Variants in TTC7A observed in about 807,000 individuals in gnomAD.
The protein encoded by TTC7A is tetratricopeptide repeat domain 7A, also known as tetratricopeptide repeat protein 7A.
A neutral mutation model predicts 103.7 loss-of-function variants in TTC7A; 110 were observed. The observed-to-expected ratio is 1.06, with a 90% CI of 0.91 to 1.24. The LOEUF (loss-of-function observed/expected upper bound fraction) is 1.24. Ranked by LOEUF, TTC7A falls within the 50% of genes most tolerant of loss-of-function variation. The pLI is 0.00. For missense variants in TTC7A, 1,340 were observed against 1,116.3 expected (o/e 1.20, Z -2.86); for synonymous variants, 521 against 467.9 (o/e 1.11, Z -1.47).
chr2:47,047,297 C>T (rs1682423353), intron 16 of TTC7A: 1 of 1,549,748 alleles, frequency 6.5e-7, no homozygotes, highest in East Asian at 2.4e-5. Context: ...CTTCCAGACT[C>T]CCCAGAGGAA....
At chr2:47,023,930 G>T (rs1040225109) in intron 13 of TTC7A, among the ~76,000 whole-genome samples, 2 of 151,282 alleles carry the variant, frequency 1.3e-5, no homozygotes, top group African/African-American at 4.9e-5. Flanking sequence ...GAGCAGTGAG[G>T]CTAGCTTCTC....
At chr2:46,938,903 C>T (rs980445739), upstream of TTC7A, among the ~76,000 whole-genome samples, 2 of 151,068 alleles carry the variant, frequency 1.3e-5, no homozygotes, top group Admixed American at 6.6e-5. Flanking sequence ...CCCAGCTACT[C>T]GGGAGGCTAA....
At chr2:47,029,479 A>T (rs7575628) in intron 15 of TTC7A, 95 bp downstream of exon 15, 4 of 1,405,810 alleles carry the variant, frequency 2.8e-6, no homozygotes, top group Non-Finnish European at 4.0e-6. Context: ...GTCAGCCAAC[A>T]CACATGAAGT....
intron 5 of TTC7A, among the ~76,000 whole-genome samples, chr2:46,989,610 C>A (rs1675393373): frequency 1.3e-5 from 2 of 148,692 alleles, no homozygotes; most frequent in African/African-American, 2.5e-5. Context: ...CCACTGGGAC[C>A]TCTCTATTTT....
intron 5 of TTC7A, among the ~76,000 whole-genome samples, chr2:46,982,329 G>T (rs1252027810): frequency 6.6e-6 from 1 of 151,966 alleles, no homozygotes; most frequent in Non-Finnish European, 1.5e-5. Context: ...AGCTGTGATT[G>T]TGCCACTGCA....
At chr2:47,059,993 CA>C (rs1302645544) in intron 18 of TTC7A, among the ~76,000 whole-genome samples, 1 of 151,822 alleles carries the variant, frequency 6.6e-6, no homozygotes, top group African/African-American at 2.4e-5. Flanking sequence ...CCCATCTCTA[CA>C]AAAAAATACA....
intron 15 of TTC7A, among the ~76,000 whole-genome samples, chr2:47,044,779 G>A (rs890296662): frequency 4.6e-5 from 7 of 152,198 alleles, no homozygotes; most frequent in African/African-American, 1.7e-4. Flanking sequence ...AAAATCCTGG[G>A]GCAAATTCCA....
intron 5 of TTC7A, among the ~76,000 whole-genome samples, chr2:46,981,129 T>G (rs1674412836): frequency 6.6e-6 from 1 of 152,304 alleles, no homozygotes; most frequent in East Asian, 1.9e-4. Context: ...TCTCTGGCCC[T>G]TGACAGAAAA....
chr2:47,025,516 TCCTCTCGTC>T, intron 14 of TTC7A, among the ~76,000 whole-genome samples: 1 of 152,260 alleles, frequency 6.6e-6, no homozygotes, highest in East Asian at 1.9e-4. Flanking sequence ...GCCTGGCTCC[TCCTCTCGTC>T]ACAGTTACTC....
intron 15 of TTC7A, among the ~76,000 whole-genome samples, chr2:47,039,864 A>G: frequency 6.6e-6 from 1 of 152,186 alleles, no homozygotes. Flanking sequence ...CCATTTTCTA[A>G]CGGGGAACAG....
rs1677547077 is a variant in TTC7A, at chr2:47,007,536, C to T, written c.1287+812C>T. Among the ~76,000 whole-genome samples the T allele has an allele frequency of 6.6e-6, 1 of 152,140 alleles. No individual in the cohort carries two copies. The highest frequency in any genetic ancestry group is 2.4e-5 in the African/African-American group (1 of 41,418). On this transcript the variant is annotated intron_variant, in intron 10 of 19. Transcript: ENST00000319190. This position sits in a 1 kb window ranked among gnomAD's most constrained non-coding sequence, Gnocchi z 4.9. ...TTCATGGGGCTGAGGGAATTCCTCG[C>T]CCCCCTGGCCCATCTGTGCCACGTT... is the stretch of plus-strand genomic sequence containing the variant.
At chr2:46,964,359 T>G (rs1672653206) in intron 3 of TTC7A, among the ~76,000 whole-genome samples, 1 of 151,948 alleles carries the variant, frequency 6.6e-6, no homozygotes, top group Admixed American at 6.5e-5. Context: ...GAGGTGTGTG[T>G]GGGATGGATT....
intron 11 of TTC7A, among the ~76,000 whole-genome samples, chr2:47,016,255 T>C (rs2104514577): frequency 6.6e-6 from 1 of 152,328 alleles, no homozygotes; most frequent in Admixed American, 6.5e-5. Context: ...TGTCCTTCAA[T>C]GCATCCTTTT....
intron 8 of TTC7A, among the ~76,000 whole-genome samples, chr2:46,996,775 G>T (rs1383774818): frequency 6.6e-6 from 1 of 152,222 alleles, no homozygotes; most frequent in Non-Finnish European, 1.5e-5. Context: ...ATTTTCATGG[G>T]AGAACAGTGT....
chr2:47,024,517 G>A (rs544528715), intron 14 of TTC7A, among the ~76,000 whole-genome samples, 158 bp downstream of exon 14: 4 of 152,204 alleles, frequency 2.6e-5, no homozygotes, highest in East Asian at 3.9e-4. Flanking sequence ...TCATCAGAGG[G>A]GCCAGTAAGG....
At chr2:46,918,355 C>T (rs905392952) in intron 2 of TTC7A, among the ~76,000 whole-genome samples, 1 of 152,148 alleles carries the variant, frequency 6.6e-6, no homozygotes, top group African/African-American at 2.4e-5. Flanking sequence ...GACTTCTTTC[C>T]ACCTCCACTA....
chr2:46,922,369 G>A (rs1050877370), intron 2 of TTC7A, among the ~76,000 whole-genome samples: 1 of 152,084 alleles, frequency 6.6e-6, no homozygotes, highest in East Asian at 1.9e-4. Flanking sequence ...ATGTGGCCTG[G>A]GCTGAGGCTA....
intron 3 of TTC7A, among the ~76,000 whole-genome samples, chr2:46,965,484 C>A (rs1220376867): frequency 6.6e-6 from 1 of 152,066 alleles, no homozygotes; most frequent in African/African-American, 2.4e-5. Context: ...CAGGCCTCAT[C>A]CAGCCAGAGA....
intron 3 of TTC7A, 87 bp from the exon 4 acceptor site, chr2:46,974,885 CG>C: frequency 6.5e-7 from 1 of 1,546,614 alleles, no homozygotes. Context: ...TCTGCCCCCT[CG>C]GATGAGCCCA....
Sources: allele counts gnomAD v4.1 joint callset (sites outside exome capture counted in the v4.1 genomes callset), GRCh38; gene constraint gnomAD v4.1.1; non-coding constraint Gnocchi (gnomAD v3.1); transcripts MANE v1.5; gene names NCBI Gene and HGNC (gene_info 2026-07-23, HGNC 2026-07-21).